The following WDR7 variants were observed in gnomAD, a reference collection of about 807,000 sequenced individuals.
WDR7 encodes the protein WD repeat-containing protein 7.
A neutral mutation model predicts 169.4 loss-of-function variants in WDR7; 46 were observed. The ratio of observed to expected loss-of-function variants is 0.27; its 90% CI spans 0.21 to 0.35. The LOEUF (loss-of-function observed/expected upper bound fraction) is 0.35, where lower values mean the gene tolerates loss of function less well. WDR7 is among the 10% of genes least tolerant of loss of function. The pLI, the probability that WDR7 is intolerant of heterozygous loss-of-function variation, is 1.00. For synonymous variants in WDR7, 612 were observed against 666.8 expected (o/e 0.92, Z 1.27); for missense variants, 1,534 against 1,859.3 (o/e 0.83, Z 3.22).
chr18:56,930,344 C>T (rs930187897), intron 22 of WDR7, among the ~76,000 whole-genome samples: 1 of 152,204 alleles, frequency 6.6e-6, no homozygotes, highest in African/African-American at 2.4e-5. Flanking sequence ...GACAGAAACA[C>T]ATCATGCAAA....
chr18:56,799,897 C>T (rs1334086410), intron 19 of WDR7, among the ~76,000 whole-genome samples: 2 of 152,054 alleles, frequency 1.3e-5, no homozygotes, highest in Non-Finnish European at 2.9e-5. Context: ...TTAATCTTTT[C>T]AAGTTTTCTT....
chr18:57,019,044 C>T (rs2048247547), intron 26 of WDR7, among the ~76,000 whole-genome samples: 1 of 152,170 alleles, frequency 6.6e-6, no homozygotes, highest in Non-Finnish European at 1.5e-5. Context: ...TGAGTAATCA[C>T]ATCTATTTCA....
At chr18:56,745,450 C>T (rs185478768) in intron 14 of WDR7, among the ~76,000 whole-genome samples, 279 of 152,260 alleles carry the variant, frequency 1.8e-3, no homozygotes, top group African/African-American at 6.4e-3. Flanking sequence ...TTTCCATGGC[C>T]TGGGGTAGAT....
chr18:56,904,340 G>A (rs879598021), intron 21 of WDR7, among the ~76,000 whole-genome samples: 3 of 152,144 alleles, frequency 2.0e-5, no homozygotes, highest in African/African-American at 4.8e-5. Context: ...AAAGTGCTGG[G>A]ATTACAGGTG....
chr18:56,806,489 T>C (rs1231092658), intron 19 of WDR7, among the ~76,000 whole-genome samples: 1 of 152,042 alleles, frequency 6.6e-6, no homozygotes, highest in African/African-American at 2.4e-5. Flanking sequence ...CACAACCACA[T>C]AGAGGTAAGG....
intron 1 of WDR7, among the ~76,000 whole-genome samples, chr18:56,657,525 A>C (rs143858695): frequency 5.7e-4 from 87 of 152,328 alleles, no homozygotes; most frequent in African/African-American, 2.0e-3. Context: ...TTTTTGAAGA[A>C]TTAATAGTCT....
intron 20 of WDR7, 21 bp downstream of exon 20, chr18:56,816,165 C>T (rs558358458): frequency 3.8e-6 from 6 of 1,582,142 alleles, no homozygotes; most frequent in African/African-American, 1.4e-5. Context: ...ACATCTTTAA[C>T]GTCTGATTGG....
At chr18:56,751,531 G>A (rs985643121) in intron 14 of WDR7, among the ~76,000 whole-genome samples, 2 of 152,098 alleles carry the variant, frequency 1.3e-5, no homozygotes, top group African/African-American at 4.8e-5. Context: ...ACCTAATGTT[G>A]TTATTACCTA....
intron 1 of WDR7, among the ~76,000 whole-genome samples, chr18:56,654,599 T>C (rs1464860704): frequency 6.6e-6 from 1 of 152,262 alleles, no homozygotes; most frequent in East Asian, 1.9e-4. Context: ...TACAAGTGTA[T>C]CTGTTCCTAA....
chr18:56,681,451 T>A, intron 4 of WDR7, 60 bp downstream of exon 4: 1 of 1,096,844 alleles, frequency 9.1e-7, no homozygotes, highest in Admixed American at 2.9e-5. Flanking sequence ...ATTTAAAATA[T>A]TTTTAAAACA....
chr18:56,933,683 C>A (rs116315628), intron 22 of WDR7, among the ~76,000 whole-genome samples: 1 of 152,230 alleles, frequency 6.6e-6, no homozygotes, highest in Non-Finnish European at 1.5e-5. Context: ...TCCTCTCCCC[C>A]GTGTATTGTC....
chr18:56,796,836 T>C (rs1036240280), intron 19 of WDR7, among the ~76,000 whole-genome samples: 2 of 152,176 alleles, frequency 1.3e-5, no homozygotes, highest in Non-Finnish European at 2.9e-5. Flanking sequence ...TCACCTTAAA[T>C]TAAAATCACC....
chr18:56,921,828 C>T (rs189182606), intron 21 of WDR7, among the ~76,000 whole-genome samples: 2 of 152,246 alleles, frequency 1.3e-5, no homozygotes, highest in East Asian at 1.9e-4. Context: ...TTGTCCAGAG[C>T]GGTGAGGAAG....
chr18:56,765,123 A>G (rs2044040693), intron 16 of WDR7, among the ~76,000 whole-genome samples: 3 of 151,798 alleles, frequency 2.0e-5, no homozygotes, highest in South Asian at 4.1e-4. Context: ...CTTTTTACCT[A>G]TTTGGCTCTT....
intron 20 of WDR7, among the ~76,000 whole-genome samples, chr18:56,866,976 T>C (rs1214897066): frequency 1.3e-5 from 2 of 152,148 alleles, no homozygotes; most frequent in African/African-American, 2.4e-5. Context: ...CCTGAAAATA[T>C]GTACATCTAT....
chr18:56,950,725 C>G (rs75617999), intron 25 of WDR7, among the ~76,000 whole-genome samples: 1,869 of 152,240 alleles, frequency 0.012, 52 homozygotes, highest in African/African-American at 0.043. Context: ...AATCCTGAAA[C>G]TTCTACTTAT....
intron 19 of WDR7, among the ~76,000 whole-genome samples, chr18:56,783,162 T>TA (rs5825204): frequency 0.8 from 118,249 of 148,518 alleles, 48,528 homozygotes; most frequent in Non-Finnish European, 0.89. Context: ...CAAATTAAGT[T>TA]AAAAAAAAAA....
intron 23 of WDR7, among the ~76,000 whole-genome samples, chr18:56,938,129 G>A (rs756648087): frequency 1.3e-5 from 2 of 152,066 alleles, no homozygotes; most frequent in African/African-American, 2.4e-5. Context: ...AGTATAAGTC[G>A]GGTCATGCAT....
chr18:56,875,503 T>TTGGAATG (rs1773892289), intron 20 of WDR7, among the ~76,000 whole-genome samples: 1 of 152,186 alleles, frequency 6.6e-6, no homozygotes, highest in Admixed American at 6.5e-5. Context: ...GGGATATAAA[T>TTGGAATG]TGGAATGTGC....
Sources: gnomAD v4.1 joint callset for allele counts (sites outside exome capture counted in the v4.1 genomes callset) on GRCh38, gnomAD v4.1.1 for gene constraint, MANE v1.5 for transcripts, NCBI Gene and HGNC (gene_info 2026-07-23, HGNC 2026-07-21) for gene names.